INTS8: variants seen among roughly 807,000 people sequenced by gnomAD.
The protein encoded by INTS8 is integrator complex subunit 8.
A neutral mutation model predicts 138.9 loss-of-function variants in INTS8; 47 were observed. That is an observed-to-expected ratio of 0.34 (90% CI 0.27 to 0.43). The LOEUF (loss-of-function observed/expected upper bound fraction) is 0.43, where lower values mean the gene tolerates loss of function less well. INTS8 is among the 20% of genes least tolerant of loss of function. INTS8 has a pLI of 1.00. For missense variants in INTS8, 996 were observed against 1,173.0 expected, an observed-to-expected ratio of 0.85 and a Z score of 2.20; for synonymous variants, 392 against 400.9, an observed-to-expected ratio of 0.98 and a Z score of 0.27.
rs1339275886 is a variant in INTS8 at position 94,823,622 on chromosome 8, TCCCTCCGCTC to T, written c.130+65_130+74del. 3.8e-6 allele frequency: 5 copies of T among 1,319,116 alleles called. No individual in the cohort carries two copies. In the African/African-American group the frequency reaches 4.6e-5, roughly 12 times the overall value. 81.7% of individuals were successfully genotyped at this position (1,319,116 alleles called of 1,614,324 possible). A position where few individuals can be genotyped will look rare whatever the true frequency, so the allele number is the denominator to read the frequency against. On this transcript the variant is annotated intron_variant, in intron 1 of 26. Transcript: ENST00000523731. ...GGCCACCGGCGCTGTCCGCCCAGCT[TCCCTCCGCTC>T]CCCGCCTTCTCGGTCACCGAAGCTG...
chr8:94,855,885 G>T lies in INTS8; in HGVS notation c.1753-892G>T, dbSNP rs116398776. Among the ~76,000 whole-genome samples, 450 of 152,338 alleles carry T rather than the reference G, an allele frequency of 3.0e-3. 1 individual carries two copies. The highest frequency in any genetic ancestry group is 9.9e-3 in the African/African-American group (413 of 41,574). On this transcript the variant is annotated intron_variant, in intron 14 of 26. Transcript: ENST00000523731. ...AGTGAATGTGCAGAAACACATTTTT[G>T]CAGGGCAGATTATGAGTTTATTTTT...
At chr8:94,867,953 C>G (rs1231057159) in intron 20 of INTS8, 1 of 152,174 alleles carries the variant, frequency 6.6e-6, no homozygotes, top group African/African-American at 2.4e-5. Flanking sequence ...TTTCCAGCAT[C>G]TTATTTCTTT....
At position 94,832,124 on chromosome 8, in the gene INTS8, G is replaced by A; in HGVS notation, c.703G>A (p.Glu235Lys). Reference protein sequence around the residue: ...MEPGMVNGETESSTAGLKVKT... With the variant: ...MEPGMVNGETKSSTAGLKVKT... ...ACCAGGCATGGTAAATGGAGAAACT[G>A]AGAGTTCTACTGCTGGATTGAAAGT... Residue 235 changes from glutamate to lysine, a missense_variant, in exon 6 of 27, where the codon GAG (glutamate) becomes AAG (lysine). Transcript: ENST00000523731. The A allele has an allele frequency of 2.5e-6, 4 of 1,613,828 alleles. No homozygotes were observed. The highest frequency in any genetic ancestry group is 3.4e-6 in the Non-Finnish European group (4 of 1,179,928).
intron 20 of INTS8, chr8:94,867,775 C>T (rs1816237834): frequency 6.5e-6 from 1 of 154,858 alleles, no homozygotes; most frequent in Admixed American, 6.5e-5. Context: ...CTGCCCACCT[C>T]AGCCTCCCAA....
At chr8:94,858,103 T>C (rs1478304251) in intron 15 of INTS8, among the ~76,000 whole-genome samples, 2 of 152,256 alleles carry the variant, frequency 1.3e-5, no homozygotes, top group African/African-American at 2.4e-5. Flanking sequence ...TAAATGATCA[T>C]CTACGACACA....
At chr8:94,846,767 C>G (rs1038466084) in intron 10 of INTS8, among the ~76,000 whole-genome samples, 15 of 152,162 alleles carry the variant, frequency 9.9e-5, no homozygotes, top group African/African-American at 3.6e-4. Flanking sequence ...CCCTTCTCTC[C>G]TTAGTTCACT....
At position 94,863,151 on chromosome 8, in the gene INTS8, C is replaced by T. The variant is rs1303584701; in HGVS notation, c.2077-2355C>T. Among the ~76,000 whole-genome samples the T allele has an allele frequency of 3.3e-5, 5 of 152,236 alleles. No individual in the cohort carries two copies. The East Asian group carries it at 9.7e-4, about 29-fold the overall frequency. On this transcript the variant is annotated intron_variant, in intron 16 of 26. Coordinates refer to ENST00000523731, the MANE Select transcript of INTS8 (RefSeq NM_017864.4). ...TTATAGGCACTTGGATGATAAGAAC[C>T]TAGGTAGTAGTGGGGGGTTGGCAGC...
chr8:94,873,951 C>G (rs546494194), intron 22 of INTS8, among the ~76,000 whole-genome samples: 1 of 151,642 alleles, frequency 6.6e-6, no homozygotes, highest in Non-Finnish European at 1.5e-5. Flanking sequence ...TTCCTAATTT[C>G]TTTGGTATAT....
rs1288232977 is a variant in INTS8, at chr8:94,836,587, A to T, written c.817A>T (p.Asn273Tyr). 5 of 1,613,924 alleles carry T rather than the reference A, an allele frequency of 3.1e-6. No homozygotes were observed. Among genetic ancestry groups the T allele is most frequent in the Non-Finnish European group, 4.2e-6 (5 of 1,179,948 alleles). The part of the protein sequence containing the change: ...QGSTNSAVYE[N>Y]AREKFFRTKE... ...CTCCACAAATTCAGCTGTCTATGAA[A>T]ATGCCAGGGAAAAATTTTTTAGAAC... Residue 273 changes from asparagine (N) to tyrosine (Y), a missense_variant, in exon 7 of 27, where the codon AAT (asparagine) becomes TAT (tyrosine). Transcript: ENST00000523731.
intron 10 of INTS8, among the ~76,000 whole-genome samples, chr8:94,844,291 G>A (rs1304504408): frequency 6.6e-6 from 1 of 151,382 alleles, no homozygotes; most frequent in Non-Finnish European, 1.5e-5. Context: ...TGCCTGCCTT[G>A]GCCTTCCAAA....
intron 14 of INTS8, among the ~76,000 whole-genome samples, 195 bp downstream of exon 14, chr8:94,854,110 C>G (rs1338322209): frequency 6.6e-6 from 1 of 150,452 alleles, no homozygotes; most frequent in African/African-American, 2.5e-5. Flanking sequence ...ATAATCTCAG[C>G]TACTCGGAGT....
rs148833295 is a variant in INTS8 at position 94,830,210 on chromosome 8, T to A, written c.570+1184T>A. Among the ~76,000 whole-genome samples, 656 of 152,352 alleles carry A rather than the reference T, an allele frequency of 4.3e-3. 1 individual carries two copies. Among genetic ancestry groups the A allele is most frequent in the Middle Eastern group, 0.02 (6 of 294 alleles). On this transcript the variant is annotated intron_variant, in intron 5 of 26. Coordinates refer to ENST00000523731, the MANE Select transcript of INTS8 (RefSeq NM_017864.4). ...TGTACCTAGCCTAGCAGTTATTTTT[T>A]AATTGATCTACATAATGGAAAATTA...
intron 26 of INTS8, among the ~76,000 whole-genome samples, chr8:94,878,271 T>C (rs1319526744): frequency 6.6e-6 from 1 of 152,222 alleles, no homozygotes; most frequent in Non-Finnish European, 1.5e-5. Flanking sequence ...TCGTGGACTC[T>C]AATTTTTAGA....
At chr8:94,852,801 T>C (rs1231699034) in intron 13 of INTS8, among the ~76,000 whole-genome samples, 1 of 152,014 alleles carries the variant, frequency 6.6e-6, no homozygotes, top group Non-Finnish European at 1.5e-5. Flanking sequence ...TTGTTCTCCA[T>C]GTTGGTCAGG....
At position 94,856,883 on chromosome 8, in the gene INTS8, T is replaced by C. The variant is rs758169291; in HGVS notation, c.1859T>C (p.Ile620Thr). 6.2e-7 allele frequency: 1 copy of C among 1,614,090 alleles called. No homozygotes were observed. Among genetic ancestry groups the C allele is most frequent in the South Asian group, 1.1e-5 (1 of 91,084 alleles). ...VMLNEMLLLD[I>T]HTHEAGTGQA... ...CTGAATGAGATGTTGCTTTTGGATA[T>C]TCATACACACGAAGCTGGGACAGGG... The change falls in exon 15 of 27, where the codon ATT (isoleucine) becomes ACT (threonine). Residue 620 changes from isoleucine (I) to threonine (T), a missense_variant. Coordinates refer to ENST00000523731, the MANE Select transcript of INTS8 (RefSeq NM_017864.4).
intron 8 of INTS8, among the ~76,000 whole-genome samples, chr8:94,840,847 G>A (rs1369068365): frequency 6.6e-6 from 1 of 150,746 alleles, no homozygotes; most frequent in Non-Finnish European, 1.5e-5. Flanking sequence ...ATGAGCCACC[G>A]TGTCTGGCCA....
chr8:94,854,322 TA>T (rs1484225006), intron 14 of INTS8, among the ~76,000 whole-genome samples: 3 of 152,134 alleles, frequency 2.0e-5, no homozygotes, highest in African/African-American at 7.2e-5. Flanking sequence ...GTCATAGGCC[TA>T]AAAGGATATT....
chr8:94,837,479 A>G (rs946096683), intron 7 of INTS8, among the ~76,000 whole-genome samples: 4 of 152,162 alleles, frequency 2.6e-5, no homozygotes, highest in African/African-American at 9.7e-5. Context: ...TACTCATTTT[A>G]CTTTGCTAGG....
chr8:94,846,142 A>G (rs1367283047), intron 10 of INTS8, among the ~76,000 whole-genome samples: 9 of 152,220 alleles, frequency 5.9e-5, no homozygotes, highest in Non-Finnish European at 1.2e-4. Context: ...TAACTTTCTA[A>G]TAATTTTGTA....
Sources: gnomAD v4.1 joint callset for allele counts (sites outside exome capture counted in the v4.1 genomes callset) on GRCh38, gnomAD v4.1.1 for gene constraint, MANE v1.5 for transcripts, NCBI Gene and HGNC (gene_info 2026-07-23, HGNC 2026-07-21) for gene names.